Variants in EPHA6 observed in about 807,000 individuals in gnomAD.
EPHA6 encodes the protein EPH receptor A6, also known as ephrin type-A receptor 6.
Under a neutral mutation model 112.0 loss-of-function variants are expected in EPHA6, and 50 were observed. The ratio of observed to expected loss-of-function variants is 0.45; its 90% CI spans 0.36 to 0.56. The LOEUF is 0.56. Among genes scored for constraint, EPHA6 ranks in the 20% least tolerant of loss-of-function variants. The probability of loss-of-function intolerance (pLI) is 0.00; values close to 1 mark genes in which losing one functional copy is unlikely to be tolerated. For synonymous variants in EPHA6, 529 were observed against 490.7 expected, an observed-to-expected ratio of 1.08 and a Z score of -1.03; for missense variants, 1,280 against 1,417.4, an observed-to-expected ratio of 0.90 and a Z score of 1.56.
chr3:96,938,584 A>T (rs1265532759), intron 2 of EPHA6, among the ~76,000 whole-genome samples: 1 of 152,188 alleles, frequency 6.6e-6, no homozygotes, highest in Non-Finnish European at 1.5e-5. Flanking sequence ...TCTTTTCCTA[A>T]TTGAATACTC....
chr3:97,314,208 G>A (rs1199540781), intron 5 of EPHA6, among the ~76,000 whole-genome samples: 1 of 151,526 alleles, frequency 6.6e-6, no homozygotes, highest in African/African-American at 2.4e-5. Flanking sequence ...TTATTTCTGG[G>A]CTTTCTATTC....
chr3:97,707,841 C>CCT lies in EPHA6; in HGVS notation c.2785-12408_2785-12407dup, dbSNP rs1470155591. 3.3e-5 allele frequency among the ~76,000 whole-genome samples: 5 copies of CCT among 151,772 alleles called. No homozygotes were observed. The East Asian group carries it at 5.8e-4, about 18-fold the overall frequency. ...GATGGTTTAAAAGTGTTTGGCAGTT[C>CCT]CTCTCTCTCTCTCCTGCCACCATGT... On this transcript the variant is annotated intron_variant, in intron 14 of 17. Coordinates refer to ENST00000389672, the MANE Select transcript of EPHA6 (RefSeq NM_001080448.3).
At chr3:97,338,286 T>C (rs1559899748) in intron 5 of EPHA6, among the ~76,000 whole-genome samples, 2 of 152,086 alleles carry the variant, frequency 1.3e-5, no homozygotes, top group East Asian at 1.9e-4. Context: ...GCTCGATAAA[T>C]GAAGACATGA....
At chr3:97,238,557 T>C (rs972699115) in intron 4 of EPHA6, among the ~76,000 whole-genome samples, 8 of 151,966 alleles carry the variant, frequency 5.3e-5, no homozygotes, top group African/African-American at 1.9e-4. Context: ...ATCTCTTCTA[T>C]AAAATGGGGA....
rs572394723 is a variant in EPHA6, at chr3:97,755,728, A to G, written c.*7027A>G. On this transcript the variant is annotated 3_prime_UTR_variant, in exon 18 of 18. Transcript: ENST00000389672. ...GATATCTTTGTTTCATGAGTTCAAT[A>G]TGAGCTTACATGAGAAGCAAATTGA... Among the ~76,000 whole-genome samples, 1 of 152,144 alleles carries G rather than the reference A, an allele frequency of 6.6e-6. No homozygotes were observed. Among genetic ancestry groups the G allele is most frequent in the Non-Finnish European group, 1.5e-5 (1 of 67,960 alleles).
chr3:97,031,325 C>T (rs977293302), intron 3 of EPHA6, among the ~76,000 whole-genome samples: 7 of 152,070 alleles, frequency 4.6e-5, no homozygotes, highest in East Asian at 3.9e-4. Flanking sequence ...AAATGTTAGA[C>T]GTAAAACCAT....
At chr3:97,588,932 A>T (rs369615429) in intron 11 of EPHA6, among the ~76,000 whole-genome samples, 1 of 152,184 alleles carries the variant, frequency 6.6e-6, no homozygotes, top group South Asian at 2.1e-4. Flanking sequence ...GGTTTGTTAC[A>T]TATGCAAATG....
chr3:97,153,485 T>A (rs2076216352), intron 3 of EPHA6, among the ~76,000 whole-genome samples: 1 of 152,098 alleles, frequency 6.6e-6, no homozygotes, highest in Non-Finnish European at 1.5e-5. Flanking sequence ...CATGAATCAC[T>A]TTCTAAAAAA....
rs1313403348 is a variant in EPHA6 at position 97,749,997 on chromosome 3, G to A, written c.*1296G>A. On this transcript the variant is annotated 3_prime_UTR_variant, in exon 18 of 18. Transcript: ENST00000389672. ...GCTGTGTTGTCATAATCTTCTGAGA[G>A]GCTTAAAAAACAAAGGTAAATATAT... is the stretch of plus-strand genomic sequence containing the variant. Among the ~76,000 whole-genome samples the A allele has an allele frequency of 6.6e-6, 1 of 152,042 alleles. No homozygotes were observed. Among genetic ancestry groups the A allele is most frequent in the Non-Finnish European group, 1.5e-5 (1 of 67,996 alleles).
chr3:97,456,731 G>T (rs2090699493), intron 7 of EPHA6, among the ~76,000 whole-genome samples: 2 of 152,084 alleles, frequency 1.3e-5, no homozygotes, highest in Admixed American at 6.6e-5. Flanking sequence ...GAGAGTTCCT[G>T]ATTTATGTCA....
At chr3:96,895,729 A>T (rs1287041880) in intron 2 of EPHA6, among the ~76,000 whole-genome samples, 1 of 152,206 alleles carries the variant, frequency 6.6e-6, no homozygotes, top group Non-Finnish European at 1.5e-5. Context: ...AATAGCCCAG[A>T]GTATTAAAGC....
chr3:96,870,335 G>T (rs1358602204), intron 2 of EPHA6, among the ~76,000 whole-genome samples: 1 of 152,008 alleles, frequency 6.6e-6, no homozygotes, highest in African/African-American at 2.4e-5. Flanking sequence ...AGAACGAGGA[G>T]CTCTGATTTC....
chr3:97,212,019 G>T (rs1257495455), intron 3 of EPHA6, among the ~76,000 whole-genome samples: 1 of 152,090 alleles, frequency 6.6e-6, no homozygotes, highest in East Asian at 1.9e-4. Flanking sequence ...GTTACTGGAT[G>T]TATTCTTTTT....
At chr3:97,324,405 T>TTTTCTTTCCTTCTTTTCTTTCTTTCTTTC (rs1553746236) in intron 5 of EPHA6, among the ~76,000 whole-genome samples, 13 of 104,566 alleles carry the variant, frequency 1.2e-4, no homozygotes, top group African/African-American at 4.8e-4. Context: ...GCTTTCCTTC[T>TTTTCTTTCCTTCTTTTCTTTCTTTCTTTC]TTTCTTTCTT....
chr3:97,192,725 A>C (rs1335771162), intron 3 of EPHA6, among the ~76,000 whole-genome samples: 1 of 152,142 alleles, frequency 6.6e-6, no homozygotes, highest in Admixed American at 6.5e-5. Flanking sequence ...GAGTTTCCCC[A>C]GTGTTTTCTT....
intron 11 of EPHA6, among the ~76,000 whole-genome samples, chr3:97,581,591 C>T (rs1384733617): frequency 6.6e-6 from 1 of 152,196 alleles, no homozygotes; most frequent in South Asian, 2.1e-4. Flanking sequence ...CTATTTTGTG[C>T]CAGGCACTTT....
intron 5 of EPHA6, among the ~76,000 whole-genome samples, chr3:97,364,472 T>C (rs2084595055): frequency 6.6e-6 from 1 of 151,982 alleles, no homozygotes; most frequent in Non-Finnish European, 1.5e-5. Flanking sequence ...ACAAGTATTC[T>C]TTATGTAACA....
chr3:96,947,737 T>G (rs893213210), intron 2 of EPHA6, among the ~76,000 whole-genome samples: 6 of 152,024 alleles, frequency 3.9e-5, no homozygotes, highest in African/African-American at 1.4e-4. Flanking sequence ...CACTGCTCAA[T>G]GAAATAAAAG....
intron 3 of EPHA6, among the ~76,000 whole-genome samples, chr3:97,009,419 G>A: frequency 6.6e-6 from 1 of 152,238 alleles, no homozygotes; most frequent in East Asian, 1.9e-4. Flanking sequence ...ATTTTGGGCT[G>A]TGGGGACAAG....
Sources: gnomAD v4.1 joint callset for allele counts (sites outside exome capture counted in the v4.1 genomes callset) on GRCh38, gnomAD v4.1.1 for gene constraint, MANE v1.5 for transcripts, NCBI Gene and HGNC (gene_info 2026-07-23, HGNC 2026-07-21) for gene names.